MAGI2: variants seen among roughly 807,000 people sequenced by gnomAD.
The protein encoded by MAGI2 is membrane-associated guanylate kinase, WW and PDZ domain-containing protein 2.
MAGI2 carries 35 observed loss-of-function variants against 133.3 expected under a neutral mutation model. That is an observed-to-expected ratio of 0.26 (90% confidence interval 0.20 to 0.35). MAGI2 has a LOEUF of 0.35. MAGI2 is among the 10% of genes least tolerant of loss of function. The pLI, the probability that MAGI2 is intolerant of heterozygous loss-of-function variation, is 1.00. For synonymous variants in MAGI2, 729 were observed against 710.6 expected, an observed-to-expected ratio of 1.03 and a Z score of -0.41; for missense variants, 1,636 against 1,863.4, an observed-to-expected ratio of 0.88 and a Z score of 2.25.
chr7:79,368,192 A>G (rs1298470356), intron 1 of MAGI2, among the ~76,000 whole-genome samples: 1 of 152,062 alleles, frequency 6.6e-6, no homozygotes, highest in East Asian at 1.9e-4. Flanking sequence ...TGAATGGCTA[A>G]ATTGTGCATC....
chr7:78,367,578 T>C (rs1793510815), intron 7 of MAGI2, among the ~76,000 whole-genome samples: 1 of 152,174 alleles, frequency 6.6e-6, no homozygotes, highest in Non-Finnish European at 1.5e-5. Flanking sequence ...CCACCCCAAA[T>C]ATTTGCTATC....
At chr7:78,699,544 G>T (rs1817856636) in intron 2 of MAGI2, among the ~76,000 whole-genome samples, 1 of 152,156 alleles carries the variant, frequency 6.6e-6, no homozygotes, top group Non-Finnish European at 1.5e-5. Context: ...TGTATATGCA[G>T]ATATTCTAAA....
intron 3 of MAGI2, among the ~76,000 whole-genome samples, chr7:78,551,836 C>G (rs1053148254): frequency 1.3e-5 from 2 of 152,196 alleles, no homozygotes; most frequent in African/African-American, 4.8e-5. Flanking sequence ...CCTTGAATTG[C>G]TGGGCTCAAG....
chr7:79,312,910 C>T (rs1172586172), intron 1 of MAGI2, among the ~76,000 whole-genome samples: 3 of 152,144 alleles, frequency 2.0e-5, no homozygotes, highest in African/African-American at 7.2e-5. Flanking sequence ...CCACCCACCG[C>T]CTTCTTCCCT....
chr7:78,250,233 C>A (rs986672081), intron 10 of MAGI2, among the ~76,000 whole-genome samples: 5 of 151,984 alleles, frequency 3.3e-5, no homozygotes, highest in Non-Finnish European at 4.4e-5. Context: ...TATTAGAAAT[C>A]AACAATAGAA....
intron 1 of MAGI2, among the ~76,000 whole-genome samples, chr7:79,023,681 T>C (rs1295571384): frequency 1.3e-5 from 2 of 152,170 alleles, no homozygotes; most frequent in East Asian, 3.9e-4. Flanking sequence ...AGCATTCCTA[T>C]ACACCAACAA....
intron 2 of MAGI2, among the ~76,000 whole-genome samples, chr7:78,889,603 C>A (rs969075138): frequency 6.6e-6 from 1 of 152,108 alleles, no homozygotes; most frequent in Non-Finnish European, 1.5e-5. Context: ...AATTTTCAAC[C>A]CAGAATTTCA....
intron 1 of MAGI2, among the ~76,000 whole-genome samples, chr7:79,202,065 C>T (rs1828659038): frequency 6.6e-6 from 1 of 151,702 alleles, no homozygotes; most frequent in African/African-American, 2.4e-5. Context: ...TATTTTAGAC[C>T]TCAGCAAAAC....
intron 1 of MAGI2, among the ~76,000 whole-genome samples, chr7:79,417,893 C>G (rs1177873967): frequency 1.3e-5 from 2 of 151,956 alleles, no homozygotes; most frequent in Non-Finnish European, 2.9e-5. Context: ...AACTACCCCC[C>G]CAAATGACAG....
chr7:78,892,168 A>T (rs1452257889), intron 2 of MAGI2, among the ~76,000 whole-genome samples: 1 of 152,206 alleles, frequency 6.6e-6, no homozygotes, highest in East Asian at 1.9e-4. Context: ...AATCCAACTT[A>T]CAAGGGATGT....
At chr7:78,405,251 T>C (rs1055111042) in intron 6 of MAGI2, among the ~76,000 whole-genome samples, 8 of 152,124 alleles carry the variant, frequency 5.3e-5, no homozygotes. Context: ...AGATACTTTC[T>C]GAGAAATCTC....
At chr7:78,992,704 T>G (rs1805906972) in intron 2 of MAGI2, among the ~76,000 whole-genome samples, 2 of 152,042 alleles carry the variant, frequency 1.3e-5, no homozygotes, top group African/African-American at 4.8e-5. Context: ...ATTTTATTTG[T>G]GTGTACATTT....
intron 1 of MAGI2, among the ~76,000 whole-genome samples, chr7:79,093,943 G>A (rs1406514911): frequency 6.6e-6 from 1 of 152,006 alleles, no homozygotes; most frequent in African/African-American, 2.4e-5. Flanking sequence ...TCAAACTCCT[G>A]ACCTCAGGTG....
rs529304278 is a variant in MAGI2, at chr7:79,234,125, C to T, written c.301+218895G>A. 1.6e-3 allele frequency among the ~76,000 whole-genome samples: 218 copies of T among 139,920 alleles called. 9 individuals are homozygous for T. In the East Asian group the frequency reaches 0.039, roughly 25 times the overall value. The allele number at this position is 139,920 out of a possible 152,430, so 91.8% of individuals were successfully genotyped here. A position where few individuals can be genotyped will look rare whatever the true frequency, so the allele number is the denominator to read the frequency against. ...TTTAAGAATGTTGAATATTGGCCCC[C>T]ACTCTCTTCTGGCTTGTAGGGTTTC... On this transcript the variant is annotated intron_variant, in intron 1 of 21. Transcript: ENST00000354212.
chr7:78,952,451 A>G (rs1357615346), intron 2 of MAGI2, among the ~76,000 whole-genome samples: 2 of 152,104 alleles, frequency 1.3e-5, no homozygotes, highest in African/African-American at 4.8e-5. Flanking sequence ...TTTTTCATTA[A>G]TTCATTAATT....
intron 1 of MAGI2, among the ~76,000 whole-genome samples, chr7:79,111,733 C>G (rs1818941076): frequency 6.6e-6 from 1 of 152,116 alleles, no homozygotes; most frequent in Non-Finnish European, 1.5e-5. Context: ...GTGGCACGAT[C>G]TCGGCTCACT....
intron 1 of MAGI2, among the ~76,000 whole-genome samples, chr7:79,043,558 A>AG (rs1811881160): frequency 6.6e-6 from 1 of 150,860 alleles, no homozygotes; most frequent in African/African-American, 2.4e-5. Flanking sequence ...AAAAAAAAAA[A>AG]AAAAAAGAAA....
At chr7:78,955,740 T>TTTCTTC (rs1562712997) in intron 2 of MAGI2, among the ~76,000 whole-genome samples, 9 of 52,872 alleles carry the variant, frequency 1.7e-4, no homozygotes, top group African/African-American at 7.5e-4. Flanking sequence ...TTTCTTTCTT[T>TTTCTTC]CTTTCTTTCT....
intron 9 of MAGI2, among the ~76,000 whole-genome samples, chr7:78,259,995 C>G (rs1210472216): frequency 2.0e-5 from 3 of 152,036 alleles, no homozygotes; most frequent in African/African-American, 7.2e-5. Context: ...AGTCATCAGG[C>G]AAGGATAAAG....
Sources: gnomAD v4.1 joint callset for allele counts (sites outside exome capture counted in the v4.1 genomes callset) on GRCh38, gnomAD v4.1.1 for gene constraint, MANE v1.5 for transcripts, NCBI Gene and HGNC (gene_info 2026-07-23, HGNC 2026-07-21) for gene names.